Variants in CRIM1 observed in about 807,000 individuals in gnomAD.
CRIM1 encodes cysteine rich transmembrane BMP regulator 1, also known as cysteine-rich motor neuron 1 protein.
A neutral mutation model predicts 116.4 loss-of-function variants in CRIM1; 32 were observed. The observed-to-expected ratio is 0.27, with a 90% confidence interval of 0.21 to 0.37. The LOEUF (loss-of-function observed/expected upper bound fraction) is 0.37. Among genes scored for constraint, CRIM1 ranks in the 10% least tolerant of loss-of-function variants. The pLI is 1.00. For synonymous variants in CRIM1, 590 were observed against 509.2 expected, an observed-to-expected ratio of 1.16 and a Z score of -2.13; for missense variants, 1,331 against 1,354.8, an observed-to-expected ratio of 0.98 and a Z score of 0.28.
chr2:36,373,553 CATTT>C (rs1484368551), intron 1 of CRIM1, among the ~76,000 whole-genome samples: 1 of 152,124 alleles, frequency 6.6e-6, no homozygotes, highest in Admixed American at 6.5e-5. Flanking sequence ...GAAAAGGTCA[CATTT>C]GTTTGTGATA....
chr2:36,402,445 G>C (rs1362149169), intron 2 of CRIM1, among the ~76,000 whole-genome samples: 3 of 151,816 alleles, frequency 2.0e-5, no homozygotes, highest in African/African-American at 4.8e-5. Flanking sequence ...ACCAGAATGG[G>C]GGGGAGGGAG....
At chr2:36,546,000 C>G (rs1232858536) in intron 15 of CRIM1, among the ~76,000 whole-genome samples, 1 of 152,036 alleles carries the variant, frequency 6.6e-6, no homozygotes, top group African/African-American at 2.4e-5. Context: ...CTCCCTGCTC[C>G]CACCACCCCT....
At chr2:36,514,536 C>T (rs1320465021) in intron 11 of CRIM1, among the ~76,000 whole-genome samples, 1 of 152,168 alleles carries the variant, frequency 6.6e-6, no homozygotes, top group African/African-American at 2.4e-5. Context: ...GAAAGATTGA[C>T]TGTCTTACCA....
intron 16 of CRIM1, 49 bp downstream of exon 16, chr2:36,547,220 TTACACTCA>T (rs1316759406): frequency 6.9e-7 from 1 of 1,459,228 alleles, no homozygotes; most frequent in African/African-American, 1.4e-5. Flanking sequence ...CTAGGAAAAC[TTACACTCA>T]TATTGAAATT....
chr2:36,497,856 A>G (rs781350373), intron 7 of CRIM1, among the ~76,000 whole-genome samples: 1 of 152,178 alleles, frequency 6.6e-6, no homozygotes, highest in Non-Finnish European at 1.5e-5. Context: ...GTGGCAGCTA[A>G]AACACTTATT....
intron 5 of CRIM1, among the ~76,000 whole-genome samples, chr2:36,469,819 C>T (rs929410174): frequency 6.6e-6 from 1 of 152,100 alleles, no homozygotes; most frequent in South Asian, 2.1e-4. Context: ...CCTCGTGTTC[C>T]TGGGGCCTTG....
chr2:36,453,794 C>G (rs1276888654), intron 4 of CRIM1, among the ~76,000 whole-genome samples: 1 of 152,152 alleles, frequency 6.6e-6, no homozygotes, highest in Non-Finnish European at 1.5e-5. Context: ...CAAACACATG[C>G]TAATTCCTAT....
intron 14 of CRIM1, among the ~76,000 whole-genome samples, chr2:36,541,861 GA>G (rs2125180303): frequency 6.6e-6 from 1 of 152,294 alleles, no homozygotes; most frequent in Admixed American, 6.5e-5. Context: ...GTCTTGGGTT[GA>G]AGGCGGTCTT....
At chr2:36,435,385 G>T (rs779315881) in intron 2 of CRIM1, among the ~76,000 whole-genome samples, 1 of 151,938 alleles carries the variant, frequency 6.6e-6, no homozygotes, top group African/African-American at 2.4e-5. Context: ...AATGAAGAAC[G>T]AGAAGAGATT....
intron 7 of CRIM1, among the ~76,000 whole-genome samples, chr2:36,488,369 C>G (rs1679986126): frequency 6.6e-6 from 1 of 152,192 alleles, no homozygotes; most frequent in African/African-American, 2.4e-5. Context: ...ATCATACCCA[C>G]CTATCAGCCT....
chr2:36,370,001 G>GTA (rs1244149641), intron 1 of CRIM1, among the ~76,000 whole-genome samples: 1 of 152,190 alleles, frequency 6.6e-6, no homozygotes, highest in Non-Finnish European at 1.5e-5. Context: ...GTTGACTGTA[G>GTA]TATCTACTCT....
chr2:36,539,049 T>G (rs1666759140), intron 14 of CRIM1, among the ~76,000 whole-genome samples: 1 of 152,086 alleles, frequency 6.6e-6, no homozygotes, highest in Non-Finnish European at 1.5e-5. Flanking sequence ...TACGTTGTAG[T>G]AGGGAGAAGC....
Position 36,548,586 on chromosome 2 carries a change from T to G in CRIM1, c.2996T>G (p.Val999Gly). 6.2e-7 allele frequency: 1 copy of G among 1,612,064 alleles called. No homozygotes were observed. The highest frequency in any genetic ancestry group is 8.5e-7 in the Non-Finnish European group (1 of 1,179,236). ...VDCKKGTRVQ[V>G]DSSQRMLRIA... ...TGCAAGAAAGGAACCAGAGTCCAGG[T>G]GGACAGTTCCCAGAGAATGCTAAGA... The change falls in exon 17 of 17, where the codon GTG becomes GGG. Residue 999 changes from valine to glycine, a missense_variant. Coordinates refer to ENST00000280527, the MANE Select transcript of CRIM1 (RefSeq NM_016441.3).
Position 36,417,766 on chromosome 2 carries a change from G to A in CRIM1, c.505+20979G>A, listed in dbSNP as rs574379682. 3.0e-4 allele frequency among the ~76,000 whole-genome samples: 45 copies of A among 152,294 alleles called. No homozygotes were observed. The South Asian group carries it at 9.1e-3, about 31-fold the overall frequency. On this transcript the variant is annotated intron_variant, in intron 2 of 16. Transcript: ENST00000280527. ...GCTTCCAGTTTTCTTGGGGAGACAG[G>A]CATGAACACCACTCACTAGAATAGA...
rs1009138954 is a variant in CRIM1 at position 36,451,622 on chromosome 2, T to C, written c.869+8887T>C. ...TCCTTTAGTGCTCTGTGTGCTCAAA[T>C]GCTTATCCTTCCGTGGTAGAGCTTT... is the stretch of plus-strand genomic sequence containing the variant. On this transcript the variant is annotated intron_variant, in intron 4 of 16. Coordinates refer to ENST00000280527, the MANE Select transcript of CRIM1 (RefSeq NM_016441.3). 1.3e-4 allele frequency among the ~76,000 whole-genome samples: 20 copies of C among 152,202 alleles called. 1 individual carries two copies. Among genetic ancestry groups the C allele is most frequent in the African/African-American group, 3.9e-4 (16 of 41,460 alleles).
intron 3 of CRIM1, among the ~76,000 whole-genome samples, chr2:36,441,830 T>C (rs1675854188): frequency 6.6e-6 from 1 of 152,188 alleles, no homozygotes; most frequent in South Asian, 2.1e-4. Flanking sequence ...CCAGAGAAGG[T>C]CAGAGACCTT....
rs752105688 is a variant in CRIM1 at position 36,548,627 on chromosome 2, G to C, written c.3037G>C (p.Ala1013Pro). The C allele has an allele frequency of 1.2e-6, 2 of 1,612,712 alleles. No individual in the cohort carries two copies. The highest frequency in any genetic ancestry group is 1.7e-6 in the Non-Finnish European group (2 of 1,179,486). Residue 1013 changes from alanine to proline, a missense_variant, in exon 17 of 17, where the codon GCA (alanine) becomes CCA (proline). Ala to Pro is a conservative substitution (Grantham distance 27). Transcript: ENST00000280527. Reference sequence around the variant, plus strand: ...AATGCTAAGAATTGCAGAACCAGATGCAAGATTCAGTGGCTTCTACAGCAT... The same window carrying C: ...AATGCTAAGAATTGCAGAACCAGATCCAAGATTCAGTGGCTTCTACAGCAT... ...QRMLRIAEPD[A>P]RFSGFYSMQK... is the part of the protein sequence containing the mutation.
chr2:36,476,235 G>A (rs944804348), intron 5 of CRIM1, among the ~76,000 whole-genome samples: 6 of 152,102 alleles, frequency 3.9e-5, no homozygotes, highest in Non-Finnish European at 8.8e-5. Flanking sequence ...AAGAGCTACT[G>A]TTTTGGCTTC....
rs201724622 is a variant in CRIM1, at chr2:36,356,582, A to T, written c.290A>T (p.Asn97Ile). The T allele has an allele frequency of 1.7e-5, 28 of 1,611,690 alleles. No homozygotes were observed. The highest frequency in any genetic ancestry group is 2.2e-5 in the Non-Finnish European group (26 of 1,179,728). The change falls in exon 1 of 17, where the codon AAT becomes ATT. Residue 97 changes from asparagine (N) to isoleucine (I), a missense_variant. Asn to Ile is a moderately radical substitution (Grantham distance 149). Transcript: ENST00000280527. This position sits in a 1 kb window ranked among gnomAD's most constrained non-coding sequence, Gnocchi z 4.3. ...GLRCVIRPPLNGDSLTEYEAG... is the reference protein window; with the variant it reads ...GLRCVIRPPLIGDSLTEYEAG... ...CGTTGTGTCATCCGCCCCCCGCTCA[A>T]TGGCGACTCCCTCACCGAGTACGAA...
Sources: allele counts gnomAD v4.1 joint callset (sites outside exome capture counted in the v4.1 genomes callset), GRCh38; gene constraint gnomAD v4.1.1; non-coding constraint Gnocchi (gnomAD v3.1); transcripts MANE v1.5; gene names NCBI Gene and HGNC (gene_info 2026-07-23, HGNC 2026-07-21).